The following CCDC122 variants were observed in gnomAD, a reference collection of about 807,000 sequenced individuals.
The protein encoded by CCDC122 is coiled-coil domain-containing protein 122.
In CCDC122, 38 loss-of-function variants were observed where a neutral mutation model predicts 37.0. The observed-to-expected ratio is 1.03, with a 90% CI of 0.79 to 1.35. The LOEUF (loss-of-function observed/expected upper bound fraction) is 1.35. CCDC122 is among the 40% of genes most tolerant of loss of function. The pLI, the probability that CCDC122 is intolerant of heterozygous loss-of-function variation, is 0.00. For synonymous variants in CCDC122, 83 were observed against 95.6 expected, an observed-to-expected ratio of 0.87 and a Z score of 0.77; for missense variants, 305 against 310.0, an observed-to-expected ratio of 0.98 and a Z score of 0.12.
intron 6 of CCDC122, among the ~76,000 whole-genome samples, chr13:43,839,307 C>T (rs189367675): frequency 1.8e-4 from 27 of 152,268 alleles, no homozygotes; most frequent in African/African-American, 6.3e-4. Context: ...TATACATTTG[C>T]CTATTCTGGA....
chr13:43,852,969 T>C (rs2153873314), intron 6 of CCDC122, among the ~76,000 whole-genome samples: 1 of 152,246 alleles, frequency 6.6e-6, no homozygotes, highest in South Asian at 2.1e-4. Context: ...ACCTGCCTTA[T>C]AAGAGCTCCT....
intron 6 of CCDC122, among the ~76,000 whole-genome samples, chr13:43,844,034 T>C (rs1410931332): frequency 6.6e-6 from 1 of 151,900 alleles, no homozygotes; most frequent in African/African-American, 2.4e-5. Flanking sequence ...TTCTGTTTTC[T>C]ATTTCATTGA....
chr13:43,834,797 AAGTC>A (rs1953124518), downstream of CCDC122, among the ~76,000 whole-genome samples: 1 of 152,024 alleles, frequency 6.6e-6, no homozygotes, highest in Non-Finnish European at 1.5e-5. Flanking sequence ...AATCATTAAA[AAGTC>A]AGGAAGCAAC....
At chr13:43,861,914 TC>T (rs1954117651) in intron 4 of CCDC122, among the ~76,000 whole-genome samples, 1 of 152,122 alleles carries the variant, frequency 6.6e-6, no homozygotes, top group African/African-American at 2.4e-5. Flanking sequence ...TCTTGATTCT[TC>T]CCTTTCCCTT....
chr13:43,824,790 T>C (rs1055826635), intron 3 of CCDC122, among the ~76,000 whole-genome samples: 2 of 151,974 alleles, frequency 1.3e-5, no homozygotes, highest in African/African-American at 2.4e-5. Flanking sequence ...AACAAACATA[T>C]GAAAAAATGG....
downstream of CCDC122, among the ~76,000 whole-genome samples, chr13:43,819,903 A>T (rs966363852): frequency 6.6e-6 from 1 of 152,176 alleles, no homozygotes; most frequent in African/African-American, 2.4e-5. Flanking sequence ...AACAAAATAC[A>T]TATTTTGTCT....
chr13:43,872,967 G>A (rs1263639561), intron 2 of CCDC122, among the ~76,000 whole-genome samples: 1 of 151,974 alleles, frequency 6.6e-6, no homozygotes, highest in African/African-American at 2.4e-5. Flanking sequence ...TTTTATCACG[G>A]TATCTATGAG....
At chr13:43,844,290 C>A (rs898681257) in intron 6 of CCDC122, among the ~76,000 whole-genome samples, 2 of 151,904 alleles carry the variant, frequency 1.3e-5, no homozygotes, top group African/African-American at 4.8e-5. Context: ...TTCTTTGACT[C>A]ATGGGTTATT....
At chr13:43,866,577 C>T (rs1033920455) in intron 4 of CCDC122, among the ~76,000 whole-genome samples, 2 of 151,992 alleles carry the variant, frequency 1.3e-5, no homozygotes, top group Non-Finnish European at 2.9e-5. Flanking sequence ...AATGATATAC[C>T]TCTATATTTA....
downstream of CCDC122, among the ~76,000 whole-genome samples, chr13:43,819,267 G>A (rs1267324997): frequency 6.6e-6 from 1 of 152,074 alleles, no homozygotes; most frequent in African/African-American, 2.4e-5. Flanking sequence ...AACACCAGGG[G>A]ACAGAATTCA....
intron 2 of CCDC122, among the ~76,000 whole-genome samples, chr13:43,873,753 A>G (rs187871668): frequency 2.0e-5 from 3 of 152,276 alleles, no homozygotes; most frequent in Admixed American, 1.3e-4. Flanking sequence ...TCCAAATACT[A>G]TCTTAGTAGA....
At chr13:43,838,577 G>T (rs1953239641) in intron 6 of CCDC122, among the ~76,000 whole-genome samples, 1 of 152,132 alleles carries the variant, frequency 6.6e-6, no homozygotes, top group Admixed American at 6.5e-5. Flanking sequence ...TCATAGAGTT[G>T]TACCAACTCT....
At chr13:43,862,089 G>C (rs1277044951) in intron 4 of CCDC122, among the ~76,000 whole-genome samples, 1 of 152,144 alleles carries the variant, frequency 6.6e-6, no homozygotes, top group Non-Finnish European at 1.5e-5. Context: ...TCAGGCAGAA[G>C]AATCTTTTCA....
Position 43,858,822 on chromosome 13 carries a change from C to T in CCDC122, c.631G>A (p.Glu211Lys). The T allele has an allele frequency of 7.0e-7, 1 of 1,420,828 alleles. No individual in the cohort carries two copies. Among genetic ancestry groups the T allele is most frequent in the Non-Finnish European group, 9.5e-7 (1 of 1,054,370 alleles). The allele number at this position is 1,420,828 out of a possible 1,614,324, so 88.0% of individuals were successfully genotyped here. Reference protein sequence around the residue: ...SIIEKTCFLEEEKKTHEKLRK... With the variant: ...SIIEKTCFLEKEKKTHEKLRK... ...AATTTTTCATGTGTCTTTTTTTCTTCCTCAAGAAAACAAGTTTTTTCAATG... is the reference window on the plus strand; with the variant it reads ...AATTTTTCATGTGTCTTTTTTTCTTTCTCAAGAAAACAAGTTTTTTCAATG... Residue 211 changes from glutamate to lysine, a missense_variant, in exon 6 of 7, where the codon GAA becomes AAA. Coordinates refer to ENST00000444614, the MANE Select transcript of CCDC122 (RefSeq NM_144974.5).
chr13:43,831,609 G>A (rs533257188), downstream of CCDC122, among the ~76,000 whole-genome samples: 2 of 152,346 alleles, frequency 1.3e-5, no homozygotes, highest in East Asian at 3.9e-4. Flanking sequence ...TAGACTGGCA[G>A]TATATTGTCA....
At chr13:43,878,004 C>T (rs1262956844) in intron 1 of CCDC122, 1 of 151,984 alleles carries the variant, frequency 6.6e-6, no homozygotes, top group African/African-American at 2.4e-5. Context: ...TAGGACATGA[C>T]ACTAGGACCA....
At chr13:43,862,309 G>A (rs765084446) in intron 4 of CCDC122, among the ~76,000 whole-genome samples, 24 of 151,948 alleles carry the variant, frequency 1.6e-4, no homozygotes, top group Non-Finnish European at 3.1e-4. Flanking sequence ...CCGACCTAAC[G>A]GCTTTTTAAA....
chr13:43,866,757 A>G (rs1255025079), intron 4 of CCDC122, among the ~76,000 whole-genome samples: 1 of 152,158 alleles, frequency 6.6e-6, no homozygotes, highest in East Asian at 1.9e-4. Flanking sequence ...CAGAAATACA[A>G]TATATTTTTG....
chr13:43,825,543 G>C (rs571931541), intron 3 of CCDC122, among the ~76,000 whole-genome samples: 2 of 152,280 alleles, frequency 1.3e-5, no homozygotes, highest in South Asian at 4.1e-4. Flanking sequence ...GCCAACTTGG[G>C]TGGATCACCT....
Sources: allele counts gnomAD v4.1 joint callset (sites outside exome capture counted in the v4.1 genomes callset), GRCh38; gene constraint gnomAD v4.1.1; transcripts MANE v1.5; gene names NCBI Gene and HGNC (gene_info 2026-07-23, HGNC 2026-07-21).